The following PDE4D variants were observed in gnomAD, a reference collection of about 807,000 sequenced individuals.
The protein encoded by PDE4D is 3',5'-cyclic-AMP phosphodiesterase 4D.
Under a neutral mutation model 87.4 loss-of-function variants are expected in PDE4D, and 24 were observed. The ratio of observed to expected loss-of-function variants is 0.27; its 90% CI spans 0.20 to 0.39. The LOEUF (loss-of-function observed/expected upper bound fraction) is 0.39. PDE4D is among the 10% of genes least tolerant of loss of function. The probability of loss-of-function intolerance (pLI) is 1.00; values close to 1 mark genes in which losing one functional copy is unlikely to be tolerated. For missense variants in PDE4D, 714 were observed against 1,041.0 expected, an observed-to-expected ratio of 0.69 and a Z score of 4.32; for synonymous variants, 384 against 383.2, an observed-to-expected ratio of 1.00 and a Z score of -0.02.
At chr5:59,520,038 G>A (rs1450808042) in intron 1 of PDE4D, among the ~76,000 whole-genome samples, 1 of 152,122 alleles carries the variant, frequency 6.6e-6, no homozygotes, top group South Asian at 2.1e-4. Flanking sequence ...GAGGTGGGGG[G>A]ATCACTTGAG....
intron 2 of PDE4D, among the ~76,000 whole-genome samples, chr5:59,206,789 C>A (rs1018798456): frequency 2.0e-5 from 3 of 152,060 alleles, no homozygotes; most frequent in Non-Finnish European, 2.9e-5. Context: ...TTAATACACA[C>A]CTTTATTTAG....
intron 1 of PDE4D, among the ~76,000 whole-genome samples, chr5:60,329,536 T>C (rs1463772985): frequency 6.6e-6 from 1 of 152,184 alleles, no homozygotes; most frequent in East Asian, 1.9e-4. Flanking sequence ...TAATCTACCT[T>C]ATGTCAATTT....
intron 1 of PDE4D, among the ~76,000 whole-genome samples, chr5:60,384,706 C>T (rs913344937): frequency 6.6e-6 from 1 of 152,096 alleles, no homozygotes; most frequent in Non-Finnish European, 1.5e-5. Flanking sequence ...CTTCCTACTC[C>T]CCATCCCCAC....
At chr5:60,128,505 A>T (rs1298360011) in intron 2 of PDE4D, among the ~76,000 whole-genome samples, 1 of 152,130 alleles carries the variant, frequency 6.6e-6, no homozygotes, top group Admixed American at 6.5e-5. Context: ...TCACATACTG[A>T]TGGGAGAGAA....
chr5:60,353,701 T>C (rs1427060728), intron 1 of PDE4D, among the ~76,000 whole-genome samples: 1 of 152,224 alleles, frequency 6.6e-6, no homozygotes, highest in Admixed American at 6.5e-5. Flanking sequence ...GAAATTGGAA[T>C]GGATGTTGAG....
At chr5:60,026,606 G>C (rs1766650417) in intron 2 of PDE4D, among the ~76,000 whole-genome samples, 1 of 151,998 alleles carries the variant, frequency 6.6e-6, no homozygotes, top group Non-Finnish European at 1.5e-5. Flanking sequence ...TAATATTTAG[G>C]GGTTAGTCTT....
intron 3 of PDE4D, among the ~76,000 whole-genome samples, chr5:59,952,242 G>T (rs1019570170): frequency 6.6e-6 from 1 of 152,078 alleles, no homozygotes; most frequent in South Asian, 2.1e-4. Flanking sequence ...CAAGGTCTGT[G>T]GAACTGTGTC....
chr5:60,252,697 G>A (rs1748610377), intron 1 of PDE4D, among the ~76,000 whole-genome samples: 1 of 151,792 alleles, frequency 6.6e-6, no homozygotes, highest in Non-Finnish European at 1.5e-5. Context: ...TGGAAAGAGT[G>A]GGGAATTGGA....
intron 1 of PDE4D, among the ~76,000 whole-genome samples, chr5:59,408,226 A>T (rs1276881529): frequency 6.6e-6 from 1 of 152,224 alleles, no homozygotes; most frequent in Non-Finnish European, 1.5e-5. Context: ...TGCTCCTTGC[A>T]TCATGGTCCA....
At chr5:58,977,533 G>A (rs1378400834) in intron 11 of PDE4D, among the ~76,000 whole-genome samples, 188 bp from the exon 12 acceptor site, 1 of 152,136 alleles carries the variant, frequency 6.6e-6, no homozygotes, top group African/African-American at 2.4e-5. Context: ...AATGAATCTT[G>A]GGGAGTGAAT....
intron 1 of PDE4D, among the ~76,000 whole-genome samples, chr5:60,515,514 T>C (rs768811215): frequency 8.5e-5 from 13 of 152,096 alleles, no homozygotes; most frequent in Admixed American, 2.0e-4. Context: ...GAATAGTTAT[T>C]AGGAAAGAGC....
intron 1 of PDE4D, among the ~76,000 whole-genome samples, chr5:59,663,626 T>C (rs560104596): frequency 6.6e-6 from 1 of 152,332 alleles, no homozygotes; most frequent in South Asian, 2.1e-4. Flanking sequence ...ATTATAATAA[T>C]TGTTTCTAAG....
chr5:60,238,527 G>A (rs1162820622), intron 1 of PDE4D, among the ~76,000 whole-genome samples: 2 of 151,666 alleles, frequency 1.3e-5, no homozygotes, highest in Non-Finnish European at 2.9e-5. Context: ...TTCTTATTTG[G>A]CACTTTCACA....
intron 1 of PDE4D, among the ~76,000 whole-genome samples, chr5:60,481,643 C>T (rs1296883210): frequency 1.3e-5 from 2 of 152,124 alleles, no homozygotes; most frequent in African/African-American, 4.8e-5. Flanking sequence ...TCTTCCTTGA[C>T]AATTGTTCAT....
chr5:59,182,154 G>T, intron 4 of PDE4D, among the ~76,000 whole-genome samples: 1 of 152,026 alleles, frequency 6.6e-6, no homozygotes, highest in East Asian at 1.9e-4. Flanking sequence ...GGGGAAAAAT[G>T]GGGAGAATTT....
At chr5:60,323,711 G>A (rs1335592665) in intron 1 of PDE4D, among the ~76,000 whole-genome samples, 1 of 151,850 alleles carries the variant, frequency 6.6e-6, no homozygotes, top group East Asian at 1.9e-4. Context: ...GCCTTGCTTT[G>A]TCTGGCCTCT....
chr5:59,839,404 T>TTTTG (rs1317264920), intron 1 of PDE4D, among the ~76,000 whole-genome samples: 1 of 152,060 alleles, frequency 6.6e-6, no homozygotes, highest in Admixed American at 6.5e-5. Flanking sequence ...TTTTGGGGTT[T>TTTTG]TTTGTTTGTT....
chr5:59,314,911 A>G (rs1561940071), intron 1 of PDE4D: 1 of 151,068 alleles, frequency 6.6e-6, no homozygotes, highest in Non-Finnish European at 1.5e-5. Context: ...CAGGAGGCAG[A>G]TAAGAGGGAG....
At chr5:59,448,440 T>C (rs914360474) in intron 1 of PDE4D, among the ~76,000 whole-genome samples, 1 of 152,212 alleles carries the variant, frequency 6.6e-6, no homozygotes, top group Non-Finnish European at 1.5e-5. Flanking sequence ...ATGAAGTCTT[T>C]TGAATTTTCA....
Sources: allele counts gnomAD v4.1 joint callset (sites outside exome capture counted in the v4.1 genomes callset), GRCh38; gene constraint gnomAD v4.1.1; transcripts MANE v1.5; gene names NCBI Gene and HGNC (gene_info 2026-07-23, HGNC 2026-07-21).